The following POLA1 variants were observed in gnomAD, a reference collection of about 807,000 sequenced individuals.
The protein encoded by POLA1 is DNA polymerase alpha 1, catalytic subunit.
In POLA1, 15 loss-of-function variants were observed where a neutral mutation model predicts 124.0. That is an observed-to-expected ratio of 0.12 (90% CI 0.08 to 0.19). POLA1 has a LOEUF of 0.19. Among genes scored for constraint, POLA1 ranks in the 10% least tolerant of loss-of-function variants. The pLI, the probability that POLA1 is intolerant of heterozygous loss-of-function variation, is 1.00. For missense variants in POLA1, 886 were observed against 1,103.4 expected (o/e 0.80, Z 2.79); for synonymous variants, 408 against 389.4 (o/e 1.05, Z -0.56).
intron 4 of POLA1, among the ~76,000 whole-genome samples, chrX:24,710,115 G>A (rs1929295589): frequency 1.5e-5 from 1 of 65,227 alleles, no homozygotes; most frequent in African/African-American, 5.4e-5. Context: ...GCTCGCCGGC[G>A]CCTTTTTTTT....
In POLA1 at chrX:24,706,104, A is replaced by T. The variant is rs1171828538; in HGVS notation, c.346+1635A>T. 3.6e-5 allele frequency among the ~76,000 whole-genome samples: 4 copies of T among 112,249 alleles called. No individual in the cohort carries two copies. The Admixed American group carries it at 3.8e-4, about 11-fold the overall frequency. ...TGAATTGTTACCCAGTGCTTTTAGC[A>T]TCTATTGTTGATCCTTTCTCTTCTT... On this transcript the variant is annotated intron_variant, in intron 4 of 36. Transcript: ENST00000379068.
At chrX:24,943,726 AAATG>A (rs2047931821) in intron 36 of POLA1, among the ~76,000 whole-genome samples, 1 of 112,697 alleles carries the variant, frequency 8.9e-6, no homozygotes, top group Non-Finnish European at 1.9e-5. Context: ...TTGTCAAAAT[AAATG>A]AATGAAATAC....
At chrX:24,863,260 C>G (rs1358348938) in intron 34 of POLA1, among the ~76,000 whole-genome samples, 3 of 102,961 alleles carry the variant, frequency 2.9e-5, no homozygotes, top group South Asian at 9.3e-4. Context: ...AAGAGTATGC[C>G]CCCCCCCATC....
At chrX:24,885,687 G>C (rs761254172) in intron 34 of POLA1, among the ~76,000 whole-genome samples, 1 of 111,417 alleles carries the variant, frequency 9.0e-6, no homozygotes, top group Non-Finnish European at 1.9e-5. Flanking sequence ...ACCACACTCG[G>C]CTATTTTTTT....
At chrX:24,826,349 CAAGT>C (rs1330187622) in intron 31 of POLA1, 74 bp from the exon 32 acceptor site, 13 of 694,088 alleles carry the variant, frequency 1.9e-5, no homozygotes, top group Non-Finnish European at 2.5e-5. Context: ...TTTGACCAAG[CAAGT>C]GTCTGTGATT....
intron 26 of POLA1, among the ~76,000 whole-genome samples, chrX:24,801,204 A>G (rs1029138251): frequency 8.9e-6 from 1 of 111,868 alleles, no homozygotes; most frequent in African/African-American, 3.2e-5. Flanking sequence ...GGTGGGATCA[A>G]AACTGATTCA....
At chrX:24,792,740 C>T (rs1488289143) in intron 26 of POLA1, among the ~76,000 whole-genome samples, 1 of 111,978 alleles carries the variant, frequency 8.9e-6, no homozygotes, top group African/African-American at 3.2e-5. Flanking sequence ...ACGTAAGACA[C>T]GGTCCTGGTC....
At chrX:24,974,653 G>T (rs781146590) in intron 36 of POLA1, among the ~76,000 whole-genome samples, 1 of 108,548 alleles carries the variant, frequency 9.2e-6, no homozygotes, top group South Asian at 4.2e-4. Context: ...GGGCATGTTG[G>T]GGGGTGGGGG....
In POLA1 at chrX:24,717,627, G is replaced by A. The variant is rs1390627876; in HGVS notation, c.956G>A (p.Gly319Asp). 3 of 1,209,065 alleles carry A rather than the reference G, an allele frequency of 2.5e-6. No homozygotes were observed. Among genetic ancestry groups the A allele is most frequent in the Non-Finnish European group, 3.4e-6 (3 of 893,042 alleles). Residue 319 changes from glycine to aspartate, a missense_variant, in exon 10 of 37, where the codon GGT becomes GAT. Gly to Asp is a moderately conservative substitution (Grantham distance 94). Transcript: ENST00000379068. ...TCTTGTTGGGACATTGATCAAGAAGGTGATAGCAGTTTCTCAGTGCAAGAA... is the reference window on the plus strand; with the variant it reads ...TCTTGTTGGGACATTGATCAAGAAGATGATAGCAGTTTCTCAGTGCAAGAA... ...DVSCWDIDQE[G>D]DSSFSVQEVQ...
chrX:24,800,115 T>G (rs1002786780), intron 26 of POLA1, among the ~76,000 whole-genome samples: 19 of 111,694 alleles, frequency 1.7e-4, no homozygotes, highest in South Asian at 7.6e-4. Flanking sequence ...CAAAATAAAC[T>G]GTAGGTAGGG....
chrX:24,916,956 A>G (rs1342425775), intron 35 of POLA1, among the ~76,000 whole-genome samples: 1 of 112,468 alleles, frequency 8.9e-6, no homozygotes, highest in African/African-American at 3.2e-5. Context: ...CAGATCTTGT[A>G]TACAAGCAAA....
chrX:24,732,276 A>G, intron 15 of POLA1, 94 bp from the exon 16 acceptor site: 1 of 612,015 alleles, frequency 1.6e-6, no homozygotes. Flanking sequence ...ATGTGTTTAA[A>G]TGTGTATCTT....
chrX:24,955,788 T>C (rs2048099553), intron 36 of POLA1, among the ~76,000 whole-genome samples: 1 of 112,009 alleles, frequency 8.9e-6, no homozygotes, highest in Non-Finnish European at 1.9e-5. Flanking sequence ...TGATCTTCTG[T>C]TGCAGTCTAG....
At chrX:24,926,074 C>T (rs1159762026) in intron 35 of POLA1, among the ~76,000 whole-genome samples, 3 of 106,879 alleles carry the variant, frequency 2.8e-5, no homozygotes, top group Non-Finnish European at 5.8e-5. Flanking sequence ...GGTGTGGTGG[C>T]ACGCGCCTGT....
intron 36 of POLA1, among the ~76,000 whole-genome samples, chrX:24,942,881 G>A (rs771049430): frequency 8.9e-6 from 1 of 111,857 alleles, no homozygotes; most frequent in East Asian, 2.8e-4. Context: ...TTTTTTTGTA[G>A]AGATGGGGTT....
At chrX:24,917,184 C>A in intron 35 of POLA1, among the ~76,000 whole-genome samples, 1 of 109,839 alleles carries the variant, frequency 9.1e-6, no homozygotes, top group East Asian at 2.8e-4. Flanking sequence ...CCCAGCTACT[C>A]GGGAAGCTGA....
chrX:24,871,251 T>A (rs1251676401), intron 34 of POLA1, among the ~76,000 whole-genome samples: 2 of 112,249 alleles, frequency 1.8e-5, no homozygotes, highest in African/African-American at 6.5e-5. Flanking sequence ...GTCACACCAG[T>A]GAGGACCTGC....
At chrX:24,794,480 T>C (rs2045570250) in intron 26 of POLA1, among the ~76,000 whole-genome samples, 1 of 112,409 alleles carries the variant, frequency 8.9e-6, no homozygotes, top group African/African-American at 3.2e-5. Flanking sequence ...ATATTTGTGA[T>C]AGATCAACAA....
At chrX:24,704,650 AAGC>A (rs762932775) in intron 4 of POLA1, among the ~76,000 whole-genome samples, 181 bp downstream of exon 4, 1 of 112,173 alleles carries the variant, frequency 8.9e-6, no homozygotes, top group Non-Finnish European at 1.9e-5. Flanking sequence ...TAAACATAAA[AAGC>A]AGAAACAACA....
Sources: gnomAD v4.1 joint callset for allele counts (sites outside exome capture counted in the v4.1 genomes callset) on GRCh38, gnomAD v4.1.1 for gene constraint, MANE v1.5 for transcripts, NCBI Gene and HGNC (gene_info 2026-07-23, HGNC 2026-07-21) for gene names.